The following STARD13 variants were observed in gnomAD, a reference collection of about 807,000 sequenced individuals.
STARD13 encodes the protein StAR related lipid transfer domain containing 13.
A neutral mutation model predicts 106.4 loss-of-function variants in STARD13; 62 were observed. The observed-to-expected ratio is 0.58, with a 90% confidence interval of 0.48 to 0.72. The LOEUF (loss-of-function observed/expected upper bound fraction) is 0.72, where lower values mean the gene tolerates loss of function less well. STARD13 is among the 30% of genes least tolerant of loss of function. The pLI, the probability that STARD13 is intolerant of heterozygous loss-of-function variation, is 0.00. For synonymous variants in STARD13, 565 were observed against 553.0 expected, an observed-to-expected ratio of 1.02 and a Z score of -0.31; for missense variants, 1,387 against 1,424.0, an observed-to-expected ratio of 0.97 and a Z score of 0.42.
chr13:33,426,098 T>C, the STARD13 span, among the ~76,000 whole-genome samples: 6 of 152,370 alleles, frequency 3.9e-5, no homozygotes, highest in East Asian at 9.6e-4. Context: ...AAGCTTCCTT[T>C]TCCTAATCCA....
chr13:33,484,809 A>T, the STARD13 span, among the ~76,000 whole-genome samples: 1 of 152,224 alleles, frequency 6.6e-6, no homozygotes, highest in Non-Finnish European at 1.5e-5. Context: ...CAAGTATGGG[A>T]GCAGAAGTTA....
At position 33,168,114 on chromosome 13, in the gene STARD13, T is replaced by C. The variant is rs1314295657; in HGVS notation, c.170-492A>G. ...CAACTAGATTGCCTATGAAAATGTA[T>C]TTTCTCATGAAAAAAAGCTAAAATC... On this transcript the variant is annotated intron_variant, in intron 1 of 13. Coordinates refer to ENST00000336934, the MANE Select transcript of STARD13 (RefSeq NM_178006.4). Among the ~76,000 whole-genome samples the C allele has an allele frequency of 2.0e-5, 3 of 152,110 alleles. No homozygotes were observed. The East Asian group carries it at 5.8e-4, about 29-fold the overall frequency.
At chr13:33,232,011 A>G (rs1159052122) in intron 1 of STARD13, among the ~76,000 whole-genome samples, 1 of 152,188 alleles carries the variant, frequency 6.6e-6, no homozygotes, top group African/African-American at 2.4e-5. Flanking sequence ...ACTTGCTTCA[A>G]TGTAAATGCT....
chr13:33,543,526 C>G, the STARD13 span, among the ~76,000 whole-genome samples: 285 of 152,112 alleles, frequency 1.9e-3, no homozygotes, highest in African/African-American at 6.4e-3. Flanking sequence ...CAGAGTTGTT[C>G]TAAATGTTTT....
At chr13:33,411,765 G>T in the STARD13 span, among the ~76,000 whole-genome samples, 2 of 152,204 alleles carry the variant, frequency 1.3e-5, no homozygotes, top group Admixed American at 1.3e-4. Flanking sequence ...TTAGTAATAT[G>T]CACTTAAGTT....
intron 1 of STARD13, among the ~76,000 whole-genome samples, chr13:33,312,335 C>T (rs1893167771): frequency 6.6e-6 from 1 of 152,162 alleles, no homozygotes; most frequent in Non-Finnish European, 1.5e-5. Context: ...CTAGATGCCA[C>T]CTAGCTGGGG....
chr13:33,271,706 T>C (rs1891170533), intron 1 of STARD13: 1 of 151,724 alleles, frequency 6.6e-6, no homozygotes, highest in Non-Finnish European at 1.5e-5. Context: ...GGGTAGTTAG[T>C]ATAGGATGGG....
chr13:33,571,365 G>A, the STARD13 span, among the ~76,000 whole-genome samples: 2 of 152,044 alleles, frequency 1.3e-5, no homozygotes, highest in Non-Finnish European at 2.9e-5. Flanking sequence ...AACTTATTTT[G>A]AGTTTATTTA....
chr13:33,172,616 C>A (rs1243928037), intron 1 of STARD13, among the ~76,000 whole-genome samples: 1 of 152,130 alleles, frequency 6.6e-6, no homozygotes, highest in South Asian at 2.1e-4. Context: ...TTCTAGCATG[C>A]TTGGGAACAG....
At chr13:33,633,911 T>C in the STARD13 span, among the ~76,000 whole-genome samples, 1 of 152,222 alleles carries the variant, frequency 6.6e-6, no homozygotes, top group Admixed American at 6.5e-5. Context: ...GTGTGACCTC[T>C]GTACACTGGG....
the STARD13 span, among the ~76,000 whole-genome samples, chr13:33,438,718 A>T: frequency 6.6e-6 from 1 of 152,218 alleles, no homozygotes; most frequent in East Asian, 1.9e-4. Context: ...AGAACAGCAG[A>T]TGACTATATC....
intron 1 of STARD13, among the ~76,000 whole-genome samples, chr13:33,309,735 A>T (rs1200655925): frequency 6.6e-6 from 1 of 152,228 alleles, no homozygotes. Flanking sequence ...CTTAGACTGC[A>T]CATAATATTA....
chr13:33,627,111 T>C, the STARD13 span, among the ~76,000 whole-genome samples: 1 of 152,218 alleles, frequency 6.6e-6, no homozygotes, highest in Non-Finnish European at 1.5e-5. Flanking sequence ...TTTTATTGTA[T>C]ATTTTCTGCT....
At chr13:33,672,060 A>G in the STARD13 span, among the ~76,000 whole-genome samples, 2 of 152,240 alleles carry the variant, frequency 1.3e-5, no homozygotes, top group Non-Finnish European at 2.9e-5. Context: ...ATAAAGACAC[A>G]TGCACATGTA....
chr13:33,273,713 C>T (rs1288797444), intron 1 of STARD13, among the ~76,000 whole-genome samples: 3 of 152,080 alleles, frequency 2.0e-5, no homozygotes, highest in Non-Finnish European at 4.4e-5. Context: ...TGAATTAGTA[C>T]GAGAGCTTAG....
At chr13:33,528,226 G>GTATA in the STARD13 span, among the ~76,000 whole-genome samples, 126 of 100,954 alleles carry the variant, frequency 1.2e-3, no homozygotes, top group East Asian at 6.4e-3. Flanking sequence ...GTGTGTGTGT[G>GTATA]TATATATATA....
chr13:33,601,543 C>G, the STARD13 span, among the ~76,000 whole-genome samples: 1 of 152,160 alleles, frequency 6.6e-6, no homozygotes, highest in Non-Finnish European at 1.5e-5. Context: ...TAATGTTAGG[C>G]TTTCTTTGAA....
intron 1 of STARD13, among the ~76,000 whole-genome samples, chr13:33,200,822 C>T (rs1305599640): frequency 6.6e-6 from 1 of 151,632 alleles, no homozygotes; most frequent in African/African-American, 2.4e-5. Context: ...GAGATTGAGA[C>T]CATCCTGGCT....
the STARD13 span, among the ~76,000 whole-genome samples, chr13:33,621,097 A>C: frequency 6.6e-6 from 1 of 151,954 alleles, no homozygotes; most frequent in African/African-American, 2.4e-5. Context: ...AACTAAACTT[A>C]AAGTAGAAGA....
Sources: gnomAD v4.1 joint callset for allele counts (sites outside exome capture counted in the v4.1 genomes callset) on GRCh38, gnomAD v4.1.1 for gene constraint, MANE v1.5 for transcripts, NCBI Gene and HGNC (gene_info 2026-07-23, HGNC 2026-07-21) for gene names.